The following ARHGEF12 variants were observed in gnomAD, a reference collection of about 807,000 sequenced individuals.
The protein encoded by ARHGEF12 is KMT2A/ARHGEF12 fusion protein.
A neutral mutation model predicts 211.2 loss-of-function variants in ARHGEF12; 66 were observed. That is an observed-to-expected ratio of 0.31 (90% CI 0.26 to 0.38). The LOEUF (loss-of-function observed/expected upper bound fraction) is 0.38. Among genes scored for constraint, ARHGEF12 ranks in the 10% least tolerant of loss-of-function variants. The pLI is 1.00. For synonymous variants in ARHGEF12, 592 were observed against 638.4 expected (o/e 0.93, Z 1.09); for missense variants, 1,429 against 1,869.5 (o/e 0.76, Z 4.34).
chr11:120,437,240 A>G, intron 11 of ARHGEF12, 68 bp from the exon 12 acceptor site: 1 of 1,110,388 alleles, frequency 9.0e-7, no homozygotes, highest in East Asian at 2.6e-5. Context: ...TTTTTTTCAC[A>G]CTTTTTTCCC....
chr11:120,339,319 C>T (rs887824539), intron 1 of ARHGEF12, among the ~76,000 whole-genome samples: 1 of 151,740 alleles, frequency 6.6e-6, no homozygotes, highest in African/African-American at 2.4e-5. Context: ...AGTAGTTGTT[C>T]CTAATATGAA....
intron 1 of ARHGEF12, among the ~76,000 whole-genome samples, chr11:120,357,043 T>A (rs919650577): frequency 6.6e-6 from 1 of 152,132 alleles, no homozygotes; most frequent in African/African-American, 2.4e-5. Context: ...TTTGTTTTTT[T>A]TGAGACAGTC....
At chr11:120,413,334 A>G (rs775946108) in intron 4 of ARHGEF12, among the ~76,000 whole-genome samples, 8 of 152,158 alleles carry the variant, frequency 5.3e-5, no homozygotes, top group Non-Finnish European at 1.2e-4. Context: ...TTGTTTCTGA[A>G]TGTTGACATC....
At chr11:120,425,415 C>G (rs553559498) in intron 7 of ARHGEF12, among the ~76,000 whole-genome samples, 1 of 150,378 alleles carries the variant, frequency 6.6e-6, no homozygotes. Flanking sequence ...TAGCTCACTA[C>G]AGCCTCCAAC....
At chr11:120,398,819 T>C (rs930107381) in intron 1 of ARHGEF12, among the ~76,000 whole-genome samples, 1 of 152,156 alleles carries the variant, frequency 6.6e-6, no homozygotes, top group Non-Finnish European at 1.5e-5. Flanking sequence ...TGTAATGATA[T>C]TGGTTATGAT....
At chr11:120,456,789 T>C (rs1441001114) in intron 22 of ARHGEF12, among the ~76,000 whole-genome samples, 1 of 152,086 alleles carries the variant, frequency 6.6e-6, no homozygotes, top group African/African-American at 2.4e-5. Flanking sequence ...AGCCCAGGAA[T>C]TCAAGACTAG....
intron 1 of ARHGEF12, among the ~76,000 whole-genome samples, chr11:120,373,362 G>C (rs1009673619): frequency 2.0e-5 from 3 of 152,038 alleles, no homozygotes; most frequent in Non-Finnish European, 4.4e-5. Flanking sequence ...TTCCATGTGA[G>C]TACCTATGTT....
At chr11:120,459,938 C>A (rs948240035) in intron 26 of ARHGEF12, among the ~76,000 whole-genome samples, 2 of 152,180 alleles carry the variant, frequency 1.3e-5, no homozygotes, top group African/African-American at 4.8e-5. Context: ...AAATTCCTGA[C>A]CTCAAGTGAT....
intron 1 of ARHGEF12, among the ~76,000 whole-genome samples, chr11:120,382,680 T>TTC (rs1278181275): frequency 6.6e-6 from 1 of 152,008 alleles, no homozygotes; most frequent in Non-Finnish European, 1.5e-5. Context: ...TTCATTCTAT[T>TTC]TCTCTCTCTC....
At chr11:120,380,079 T>C (rs1943836564) in intron 1 of ARHGEF12, among the ~76,000 whole-genome samples, 1 of 152,244 alleles carries the variant, frequency 6.6e-6, no homozygotes, top group Non-Finnish European at 1.5e-5. Flanking sequence ...GAGTTTTCTT[T>C]GTGGAAATGT....
In ARHGEF12 at chr11:120,489,277, CA is replaced by C. The variant is rs1156238767; in HGVS notation, c.*4201del. 4.4e-6 allele frequency: 1 copy of C among 226,348 alleles called. No individual in the cohort carries two copies. The highest frequency in any genetic ancestry group is 8.8e-6 in the Non-Finnish European group (1 of 113,844). The allele number at this position is 226,348 out of a possible 1,614,324, so 14.0% of individuals were successfully genotyped here. A position where few individuals can be genotyped will look rare whatever the true frequency, so the allele number is the denominator to read the frequency against. ...TAGCTTTATTGAGATATTCACATAT[CA>C]TATAATTCATCCATTTAAAGTGTAT... is the stretch of plus-strand genomic sequence containing the variant. On this transcript the variant is annotated 3_prime_UTR_variant, in exon 41 of 41. Transcript: ENST00000397843.
intron 1 of ARHGEF12, among the ~76,000 whole-genome samples, chr11:120,353,574 G>A (rs2135321160): frequency 6.6e-6 from 1 of 152,286 alleles, no homozygotes; most frequent in African/African-American, 2.4e-5. Flanking sequence ...TCTAGTCTTT[G>A]CTATGAGCCC....
At chr11:120,423,512 A>T (rs1264913989) in intron 6 of ARHGEF12, among the ~76,000 whole-genome samples, 3 of 152,158 alleles carry the variant, frequency 2.0e-5, no homozygotes, top group Non-Finnish European at 4.4e-5. Context: ...AATAAATTAT[A>T]TTCCATTTGC....
chr11:120,448,950 T>C, intron 20 of ARHGEF12, 159 bp from the exon 21 acceptor site: 5 of 598,066 alleles, frequency 8.4e-6, no homozygotes, highest in Non-Finnish European at 1.5e-5. Flanking sequence ...CGGTACTGTG[T>C]GCGAACTTTT....
chr11:120,434,254 A>G (rs1945631525), intron 11 of ARHGEF12, among the ~76,000 whole-genome samples: 1 of 152,226 alleles, frequency 6.6e-6, no homozygotes, highest in Non-Finnish European at 1.5e-5. Context: ...ACTTTGTGCC[A>G]GAGGTTGTAC....
At chr11:120,435,738 G>A (rs887750057) in intron 11 of ARHGEF12, among the ~76,000 whole-genome samples, 4 of 151,594 alleles carry the variant, frequency 2.6e-5, no homozygotes, top group African/African-American at 7.3e-5. Context: ...GGATGGTCTC[G>A]ATCTCCTGAC....
chr11:120,460,739 G>T lies in ARHGEF12; in HGVS notation c.2595G>T (p.Gly865=). Residue 865 remains glycine (G), a synonymous_variant, in exon 27 of 41, where the codon GGG becomes GGT. Coordinates refer to ENST00000397843, the MANE Select transcript of ARHGEF12 (RefSeq NM_015313.3). ...AGACCTCTGTTATCGATCAGATTGG[G>T]GAAGATTTGCTGACATGGGTAAGGA... ...RNETSVIDQI[G]EDLLTWFSGP... 3.1e-6 allele frequency: 5 copies of T among 1,613,708 alleles called. No homozygotes were observed. Among genetic ancestry groups the T allele is most frequent in the Non-Finnish European group, 4.2e-6 (5 of 1,179,812 alleles).
intron 27 of ARHGEF12, chr11:120,464,984 C>G (rs889349467): frequency 5.3e-6 from 2 of 377,052 alleles, no homozygotes; most frequent in Admixed American, 4.5e-5. Flanking sequence ...CCAGCCTGGG[C>G]GACAGAGCAA....
chr11:120,403,430 C>T (rs948869513), intron 1 of ARHGEF12, among the ~76,000 whole-genome samples: 1 of 151,898 alleles, frequency 6.6e-6, no homozygotes, highest in African/African-American at 2.4e-5. Flanking sequence ...GTGTTTGAAC[C>T]CGGGAGGTGG....
Sources: allele counts gnomAD v4.1 joint callset (sites outside exome capture counted in the v4.1 genomes callset), GRCh38; gene constraint gnomAD v4.1.1; transcripts MANE v1.5; gene names NCBI Gene and HGNC (gene_info 2026-07-23, HGNC 2026-07-21).